WLS: variants seen among roughly 807,000 people sequenced by gnomAD.
WLS encodes the protein Wnt ligand secretion mediator, also known as protein wntless homolog.
A neutral mutation model predicts 62.8 loss-of-function variants in WLS; 23 were observed. The observed-to-expected ratio is 0.37, with a 90% confidence interval of 0.26 to 0.52. The LOEUF is 0.52. Among genes scored for constraint, WLS ranks in the 20% least tolerant of loss-of-function variants. The pLI, the probability that WLS is intolerant of heterozygous loss-of-function variation, is 0.92. For synonymous variants in WLS, 246 were observed against 244.1 expected (o/e 1.01, Z -0.07); for missense variants, 615 against 697.3 (o/e 0.88, Z 1.33).
At chr1:68,184,282 G>A (rs1647775497) in intron 2 of WLS, among the ~76,000 whole-genome samples, 1 of 152,098 alleles carries the variant, frequency 6.6e-6, no homozygotes, top group Admixed American at 6.6e-5. Flanking sequence ...GAGAGTCTGG[G>A]GTATACTAAG....
chr1:68,157,091 A>T (rs1646909878), intron 3 of WLS, among the ~76,000 whole-genome samples: 1 of 152,214 alleles, frequency 6.6e-6, no homozygotes, highest in African/African-American at 2.4e-5. Context: ...GCCCAAAGGC[A>T]GGCATTGTGC....
At chr1:68,169,007 T>C (rs941010882) in intron 2 of WLS, among the ~76,000 whole-genome samples, 3 of 152,234 alleles carry the variant, frequency 2.0e-5, no homozygotes, top group Non-Finnish European at 2.9e-5. Flanking sequence ...GTTATAAAAA[T>C]GAATGAGTAC....
chr1:68,148,724 G>A, intron 6 of WLS, 64 bp from the exon 7 acceptor site: 2 of 1,498,948 alleles, frequency 1.3e-6, no homozygotes, highest in Non-Finnish European at 1.8e-6. Context: ...TTCTATGGGG[G>A]AGTCAGCATT....
At chr1:68,164,458 A>G (rs1267518677) in intron 2 of WLS, among the ~76,000 whole-genome samples, 3 of 152,114 alleles carry the variant, frequency 2.0e-5, no homozygotes, top group Non-Finnish European at 4.4e-5. Flanking sequence ...GGGTTTATCC[A>G]TGGTGGTCAG....
At chr1:68,134,760 T>C (rs1353722414) in intron 11 of WLS, among the ~76,000 whole-genome samples, 1 of 152,216 alleles carries the variant, frequency 6.6e-6, no homozygotes, top group African/African-American at 2.4e-5. Context: ...TTCCATGAAA[T>C]TACAGATCAA....
chr1:68,134,750 T>C (rs573126688), intron 11 of WLS, among the ~76,000 whole-genome samples: 1 of 152,342 alleles, frequency 6.6e-6, no homozygotes, highest in South Asian at 2.1e-4. Flanking sequence ...TTTGCAAGTT[T>C]TCCATGAAAT....
chr1:68,100,698 A>G (rs1646065722), intron 11 of WLS: 2 of 152,198 alleles, frequency 1.3e-5, no homozygotes, highest in Non-Finnish European at 2.9e-5. Context: ...GTCAAAACAG[A>G]GATCATAAGG....
chr1:68,228,346 T>C (rs1017951866), intron 1 of WLS: 13 of 355,924 alleles, frequency 3.7e-5, no homozygotes, highest in Admixed American at 2.5e-4. Flanking sequence ...GACCTGCTTT[T>C]TCAACCATTA....
intron 2 of WLS, among the ~76,000 whole-genome samples, chr1:68,191,728 G>A (rs1200483026): frequency 6.6e-6 from 1 of 152,180 alleles, no homozygotes; most frequent in Non-Finnish European, 1.5e-5. Context: ...AGAGTTTAGG[G>A]ACATGGGAAC....
rs1040633975 is a variant in WLS at position 68,126,168 on chromosome 1, A to G, written c.*58T>C. On this transcript the variant is annotated 3_prime_UTR_variant, in exon 12 of 12. Transcript: ENST00000262348. ...TTGAGCTCTCTCTGGCATGCTCCCC[A>G]CTCTAGTTAGAGGGGCTGGGGTATG... 12 of 1,602,830 alleles carry G rather than the reference A, an allele frequency of 7.5e-6. No individual in the cohort carries two copies. The highest frequency in any genetic ancestry group is 1.7e-4 in the Middle Eastern group (1 of 5,968).
intron 2 of WLS, among the ~76,000 whole-genome samples, chr1:68,171,201 A>C (rs1647148505): frequency 6.6e-6 from 1 of 152,160 alleles, no homozygotes; most frequent in Non-Finnish European, 1.5e-5. Context: ...TAAAGCCTAA[A>C]ACCATAAAAA....
chr1:68,133,180 GAC>G (rs571999798), intron 11 of WLS, among the ~76,000 whole-genome samples: 153 of 152,268 alleles, frequency 1.0e-3, no homozygotes, highest in African/African-American at 3.4e-3. Context: ...TGTACACTCA[GAC>G]ACATATGCAT....
At chr1:68,107,950 C>G (rs1425827972) in intron 11 of WLS, among the ~76,000 whole-genome samples, 1 of 152,142 alleles carries the variant, frequency 6.6e-6, no homozygotes, top group African/African-American at 2.4e-5. Context: ...CCTTCCAGAC[C>G]CAGCTCCCCG....
intron 11 of WLS, among the ~76,000 whole-genome samples, chr1:68,114,693 C>G (rs139215337): frequency 6.6e-6 from 1 of 152,184 alleles, no homozygotes; most frequent in African/African-American, 2.4e-5. Context: ...CTTTATCCCT[C>G]GAGCCAGCCC....
chr1:68,211,737 A>T (rs1649524636), intron 1 of WLS, among the ~76,000 whole-genome samples: 1 of 152,194 alleles, frequency 6.6e-6, no homozygotes, highest in Admixed American at 6.5e-5. Context: ...GATTTTCATC[A>T]TCTAATCACA....
At chr1:68,227,233 C>A (rs1437792092) in intron 1 of WLS, among the ~76,000 whole-genome samples, 1 of 152,032 alleles carries the variant, frequency 6.6e-6, no homozygotes, top group Non-Finnish European at 1.5e-5. Context: ...GCCTGGCCAA[C>A]CTGGTGAAAC....
chr1:68,193,398 TAAAAAAAAAAAAAAAAAAAAAAAA>T (rs904327955), intron 2 of WLS, among the ~76,000 whole-genome samples: 2 of 15,416 alleles, frequency 1.3e-4, no homozygotes, highest in Non-Finnish European at 1.6e-4. Context: ...GCAAATAAGC[TAAAAAAAAAAAAAAAAAAAAAAAA>T]AAAAAAAAAA....
chr1:68,208,574 A>G (rs1029539494), intron 1 of WLS, among the ~76,000 whole-genome samples: 1 of 152,222 alleles, frequency 6.6e-6, no homozygotes, highest in African/African-American at 2.4e-5. Context: ...GCTACAGATT[A>G]TATATCCCCT....
intron 3 of WLS, among the ~76,000 whole-genome samples, chr1:68,155,642 C>CT (rs1335765300): frequency 6.6e-6 from 1 of 152,126 alleles, no homozygotes. Context: ...TCAGGGTCCT[C>CT]TAAGGCTCTG....
Sources: gnomAD v4.1 joint callset for allele counts (sites outside exome capture counted in the v4.1 genomes callset) on GRCh38, gnomAD v4.1.1 for gene constraint, MANE v1.5 for transcripts, NCBI Gene and HGNC (gene_info 2026-07-23, HGNC 2026-07-21) for gene names.